Variants in MPP7 observed in about 807,000 individuals in gnomAD.
MPP7 encodes the protein MAGUK p55 subfamily member 7.
A neutral mutation model predicts 76.5 loss-of-function variants in MPP7; 60 were observed. The ratio of observed to expected loss-of-function variants is 0.78; its 90% confidence interval spans 0.64 to 0.97. The LOEUF (loss-of-function observed/expected upper bound fraction) is 0.97, where lower values mean the gene tolerates loss of function less well. Ranked by LOEUF, MPP7 falls within the 50% of genes least tolerant of loss-of-function variation. The pLI is 0.00. For synonymous variants in MPP7, 237 were observed against 244.5 expected, an observed-to-expected ratio of 0.97 and a Z score of 0.29; for missense variants, 641 against 694.0, an observed-to-expected ratio of 0.92 and a Z score of 0.86.
At chr10:28,244,145 G>T (rs1315773784) in intron 1 of MPP7, among the ~76,000 whole-genome samples, 1 of 152,138 alleles carries the variant, frequency 6.6e-6, no homozygotes, top group African/African-American at 2.4e-5. Context: ...TTGATTTCCA[G>T]AAATGAATGA....
intron 3 of MPP7, among the ~76,000 whole-genome samples, chr10:28,200,548 G>A (rs558262069): frequency 7.9e-5 from 12 of 152,264 alleles, no homozygotes; most frequent in African/African-American, 2.6e-4. Flanking sequence ...TCAAGCCAGT[G>A]TAACTAAGAA....
intron 1 of MPP7, among the ~76,000 whole-genome samples, chr10:28,239,982 T>G (rs954383159): frequency 7.2e-5 from 11 of 152,106 alleles, no homozygotes; most frequent in Non-Finnish European, 1.2e-4. Context: ...AATGAGATTA[T>G]ACAATGAAAA....
At chr10:28,195,188 T>C (rs879455627) in intron 3 of MPP7, among the ~76,000 whole-genome samples, 1 of 152,072 alleles carries the variant, frequency 6.6e-6, no homozygotes, top group Non-Finnish European at 1.5e-5. Flanking sequence ...AAAATCACAA[T>C]GAGGTACCAC....
At chr10:28,238,513 T>C (rs1839154237) in intron 2 of MPP7, 55 bp downstream of exon 2, 16 of 1,577,266 alleles carry the variant, frequency 1.0e-5, no homozygotes, top group Middle Eastern at 3.3e-4. Context: ...TATTTCACTG[T>C]GAACAAGATT....
intron 12 of MPP7, among the ~76,000 whole-genome samples, chr10:28,075,847 C>T (rs1367251189): frequency 1.3e-5 from 2 of 152,154 alleles, no homozygotes; most frequent in African/African-American, 2.4e-5. Context: ...GATTGTCTAA[C>T]AGACCGTGAG....
intron 1 of MPP7, among the ~76,000 whole-genome samples, chr10:28,242,621 A>G (rs1246945049): frequency 1.3e-5 from 2 of 152,236 alleles, no homozygotes; most frequent in Admixed American, 6.5e-5. Context: ...GGGGTCCATG[A>G]AGTCAAACTA....
intron 5 of MPP7, among the ~76,000 whole-genome samples, chr10:28,136,059 T>C (rs113534897): frequency 0.022 from 3,336 of 152,002 alleles, 100 homozygotes; most frequent in African/African-American, 0.073. Context: ...GTGAACCCTA[T>C]TGTGAACTGA....
chr10:28,154,719 C>G (rs1835992790), intron 3 of MPP7, among the ~76,000 whole-genome samples: 1 of 136,726 alleles, frequency 7.3e-6, no homozygotes, highest in South Asian at 2.3e-4. Flanking sequence ...TTAAACATTT[C>G]TTTGGAAAAT....
chr10:28,304,448 A>G (rs1841234219), upstream of MPP7, among the ~76,000 whole-genome samples: 1 of 152,228 alleles, frequency 6.6e-6, no homozygotes, highest in Admixed American at 6.5e-5. Flanking sequence ...AAACTTAAAG[A>G]GAAGTAAGGG....
At chr10:28,058,627 A>G in intron 14 of MPP7, 24 bp from the exon 15 acceptor site, 1 of 1,278,436 alleles carries the variant, frequency 7.8e-7, no homozygotes, top group Non-Finnish European at 1.1e-6. Context: ...AATGCATTGG[A>G]ATCATTTGTG....
At chr10:28,060,628 CA>C (rs1851743350) in intron 13 of MPP7, among the ~76,000 whole-genome samples, 1 of 152,164 alleles carries the variant, frequency 6.6e-6, no homozygotes, top group African/African-American at 2.4e-5. Context: ...GAATCTGCAG[CA>C]AAATGCCAAG....
intron 11 of MPP7, among the ~76,000 whole-genome samples, chr10:28,099,129 T>C (rs1305195825): frequency 6.6e-6 from 1 of 152,132 alleles, no homozygotes; most frequent in East Asian, 1.9e-4. Context: ...AAATACATGA[T>C]CATTTTAGCT....
chr10:28,123,462 CTTTTTTTTTT>C (rs200098933), intron 8 of MPP7, among the ~76,000 whole-genome samples: 3 of 92,504 alleles, frequency 3.2e-5, no homozygotes, highest in African/African-American at 8.6e-5. Flanking sequence ...GTACTAAATT[CTTTTTTTTTT>C]TTTTTTTTTT....
chr10:28,223,942 T>A (rs950214448), intron 2 of MPP7, among the ~76,000 whole-genome samples: 3 of 151,386 alleles, frequency 2.0e-5, no homozygotes, highest in African/African-American at 7.3e-5. Flanking sequence ...ACACCTGCAA[T>A]CCCAGCACTT....
chr10:28,332,279 T>TGTGTGTGTGTGTG, intron 1 of MPP7, among the ~76,000 whole-genome samples: 1 of 73,084 alleles, frequency 1.4e-5, no homozygotes, highest in Non-Finnish European at 3.1e-5. Flanking sequence ...GTGTGTGTGT[T>TGTGTGTGTGTGTG]TAATAAATTG....
In MPP7 at chr10:28,150,000, C is replaced by A; in HGVS notation, c.216G>T (p.Ala72=). ...CACTTACATCATCGGCCAAGGCCGC[C>A]GCACCATGGAGAATGGGCACCGGAC... The part of the protein sequence containing the change: ...KQSPVPILHG[A]AALADDLAEE... The change falls in exon 4 of 17, where the codon GCG becomes GCT. Residue 72 remains alanine, a synonymous_variant. Coordinates refer to ENST00000683449, the MANE Select transcript of MPP7 (RefSeq NM_001318170.2). 1 of 1,613,516 alleles carries A rather than the reference C, an allele frequency of 6.2e-7. No homozygotes were observed. Among genetic ancestry groups the A allele is most frequent in the Non-Finnish European group, 8.5e-7 (1 of 1,179,842 alleles).
At chr10:28,279,763 T>A (rs1840613862) in intron 1 of MPP7, among the ~76,000 whole-genome samples, 1 of 151,642 alleles carries the variant, frequency 6.6e-6, no homozygotes, top group Non-Finnish European at 1.5e-5. Context: ...CGCACAGGCA[T>A]CAGGGATGTA....
At chr10:28,292,659 C>T (rs1840947923) in intron 1 of MPP7, among the ~76,000 whole-genome samples, 1 of 152,196 alleles carries the variant, frequency 6.6e-6, no homozygotes, top group African/African-American at 2.4e-5. Flanking sequence ...AATATAAAGC[C>T]ATGGTTGAAA....
intron 11 of MPP7, among the ~76,000 whole-genome samples, chr10:28,116,947 C>G (rs1834680108): frequency 6.6e-6 from 1 of 152,042 alleles, no homozygotes; most frequent in South Asian, 2.1e-4. Flanking sequence ...CCTGATTTTA[C>G]TTACCTTGGA....
Sources: allele counts gnomAD v4.1 joint callset (sites outside exome capture counted in the v4.1 genomes callset), GRCh38; gene constraint gnomAD v4.1.1; transcripts MANE v1.5; gene names NCBI Gene and HGNC (gene_info 2026-07-23, HGNC 2026-07-21).